The following ANXA5 variants were observed in gnomAD, a reference collection of about 807,000 sequenced individuals.
ANXA5 encodes the protein CBP-I.
A neutral mutation model predicts 48.1 loss-of-function variants in ANXA5; 40 were observed. That is an observed-to-expected ratio of 0.83 (90% CI 0.65 to 1.08). The LOEUF (loss-of-function observed/expected upper bound fraction) is 1.08, where lower values mean the gene tolerates loss of function less well. Among genes scored for constraint, ANXA5 ranks in the 50% least tolerant of loss-of-function variants. ANXA5 has a pLI of 0.00. For synonymous variants in ANXA5, 113 were observed against 129.1 expected (o/e 0.88, Z 0.85); for missense variants, 357 against 376.8 (o/e 0.95, Z 0.44).
At chr4:121,692,430 C>T (rs1725003418) in intron 2 of ANXA5, among the ~76,000 whole-genome samples, 1 of 152,198 alleles carries the variant, frequency 6.6e-6, no homozygotes, top group African/African-American at 2.4e-5. Context: ...CCAGTGATGT[C>T]TTGAGTGAGT....
intron 8 of ANXA5, among the ~76,000 whole-genome samples, chr4:121,674,388 A>G (rs532591352): frequency 2.0e-5 from 3 of 152,124 alleles, no homozygotes; most frequent in Non-Finnish European, 4.4e-5. Context: ...TTGCTATTTA[A>G]TATCAATTTC....
chr4:121,677,922 T>C lies in ANXA5; in HGVS notation c.503A>G (p.Asp168Gly). The C allele has an allele frequency of 2.5e-6, 4 of 1,613,880 alleles. No homozygotes were observed. The Admixed American group carries it at 6.7e-5, about 27-fold the overall frequency. The stretch of plus-strand genomic sequence containing the variant: ...AGCATCTTGTTCAACTTGAGCTTCA[T>C]CAATTCCAGCATCAGGGTCTCTGTT... Reference protein sequence around the residue: ...QANRDPDAGIDEAQVEQDAQA... With the variant: ...QANRDPDAGIGEAQVEQDAQA... The change falls in exon 8 of 13, where the codon GAT becomes GGT. Residue 168 changes from aspartate (D) to glycine (G), a missense_variant. Coordinates refer to ENST00000296511, the MANE Select transcript of ANXA5 (RefSeq NM_001154.4).
chr4:121,685,069 TATAC>T (rs1226653353), intron 3 of ANXA5, among the ~76,000 whole-genome samples: 122 of 147,852 alleles, frequency 8.3e-4, no homozygotes, highest in African/African-American at 3.0e-3. Context: ...CACATATATA[TATAC>T]ACACACACAC....
At chr4:121,674,210 G>A (rs1724659062) in intron 8 of ANXA5, among the ~76,000 whole-genome samples, 1 of 101,792 alleles carries the variant, frequency 9.8e-6, no homozygotes, top group South Asian at 4.2e-4. Flanking sequence ...GAGGGAGAGG[G>A]GCGGAAAGGA....
In ANXA5 at chr4:121,669,597, A is replaced by G; in HGVS notation, c.903+5T>C. On this transcript the variant is annotated splice_donor_5th_base_variant and intron_variant, in intron 12 of 12. Coordinates refer to ENST00000296511, the MANE Select transcript of ANXA5 (RefSeq NM_001154.4). Reference sequence around the variant, plus strand: ...CAAACGTAATTTAAAGAAAGGTTCTACTACCTTAATCATGGAATAAAGAGA... The same window carrying G: ...CAAACGTAATTTAAAGAAAGGTTCTGCTACCTTAATCATGGAATAAAGAGA... 6.2e-7 allele frequency: 1 copy of G among 1,613,490 alleles called. No homozygotes were observed. The highest frequency in any genetic ancestry group is 1.1e-5 in the South Asian group (1 of 91,038).
At chr4:121,682,710 A>G (rs1724813423) in intron 5 of ANXA5, among the ~76,000 whole-genome samples, 1 of 152,134 alleles carries the variant, frequency 6.6e-6, no homozygotes, top group South Asian at 2.1e-4. Context: ...GAGAAACATT[A>G]TTTCCTTGTT....
chr4:121,694,774 T>A (rs1313294672), intron 2 of ANXA5, among the ~76,000 whole-genome samples: 7 of 152,252 alleles, frequency 4.6e-5, no homozygotes, highest in Non-Finnish European at 7.3e-5. Flanking sequence ...GTATCTTTTT[T>A]AAAACATTAC....
At chr4:121,684,883 A>C (rs1724855253) in intron 3 of ANXA5, 112 bp from the exon 4 acceptor site, 2 of 775,440 alleles carry the variant, frequency 2.6e-6, no homozygotes, top group African/African-American at 3.5e-5. Context: ...CTATGCGAAT[A>C]TAAAATATAT....
chr4:121,673,421 A>C (rs1482344641), intron 8 of ANXA5, among the ~76,000 whole-genome samples: 1 of 152,184 alleles, frequency 6.6e-6, no homozygotes, highest in Admixed American at 6.5e-5. Context: ...TTTCAAACTA[A>C]GTCTACATAT....
intron 12 of ANXA5, among the ~76,000 whole-genome samples, chr4:121,668,823 C>G (rs1275455476): frequency 6.6e-6 from 1 of 151,808 alleles, no homozygotes; most frequent in Non-Finnish European, 1.5e-5. Context: ...ACGGGCAGTG[C>G]TGGGGCTGCA....
chr4:121,696,197 G>A (rs1310325707), intron 2 of ANXA5, among the ~76,000 whole-genome samples: 3 of 151,852 alleles, frequency 2.0e-5, no homozygotes, highest in Non-Finnish European at 4.4e-5. Context: ...GGGGGGGAAT[G>A]CGTTCGCCTC....
At chr4:121,692,972 G>A (rs534323325) in intron 2 of ANXA5, among the ~76,000 whole-genome samples, 50 of 152,344 alleles carry the variant, frequency 3.3e-4, no homozygotes, top group African/African-American at 9.1e-4. Context: ...AGTGGCTCAT[G>A]CCTGTAATCC....
In ANXA5 at chr4:121,678,424, AACC is replaced by A. The variant is rs763820845; in HGVS notation, c.462_464del (p.Val155del). On this transcript the variant is annotated inframe_deletion, in exon 7 of 13. Transcript: ENST00000296511. ...AATCTCCACGCAATACCTGAAGGAG[AACC>A]ACCAACATCCGCTGGTAGTACCCTG... 54 of 1,613,220 alleles carry A rather than the reference AACC, an allele frequency of 3.3e-5. No homozygotes were observed. Among genetic ancestry groups the A allele is most frequent in the Middle Eastern group, 3.3e-4 (2 of 6,056 alleles).
chr4:121,678,018 A>T, intron 7 of ANXA5, 68 bp from the exon 8 acceptor site: 1 of 1,199,450 alleles, frequency 8.3e-7, no homozygotes, highest in South Asian at 1.2e-5. Context: ...AAATGGTTCC[A>T]CCTGATGGTT....
At chr4:121,675,563 T>C (rs949058682) in intron 8 of ANXA5, among the ~76,000 whole-genome samples, 1 of 152,244 alleles carries the variant, frequency 6.6e-6, no homozygotes, top group Middle Eastern at 3.2e-3. Context: ...TCCTAGTCAC[T>C]GGAAGGCTAA....
chr4:121,688,404 T>C lies in ANXA5; in HGVS notation c.10-2032A>G, dbSNP rs143566748. Among the ~76,000 whole-genome samples the C allele has an allele frequency of 1.8e-4, 28 of 152,254 alleles. 1 individual carries two copies. In the East Asian group the frequency reaches 3.9e-3, roughly 21 times the overall value. On this transcript the variant is annotated intron_variant, in intron 2 of 12. Transcript: ENST00000296511. ...AGCACGAGTCCCCCTAACTTGATGTTTCCTGTTAGTAACTTTCCATGCACT... is the reference window on the plus strand; with the variant it reads ...AGCACGAGTCCCCCTAACTTGATGTCTCCTGTTAGTAACTTTCCATGCACT...
At chr4:121,694,908 A>G (rs1056740024) in intron 2 of ANXA5, among the ~76,000 whole-genome samples, 2 of 152,214 alleles carry the variant, frequency 1.3e-5, no homozygotes, top group Non-Finnish European at 2.9e-5. Flanking sequence ...TTTTCTATAC[A>G]CATGGCCTTT....
At position 121,686,330 on chromosome 4, in the gene ANXA5, G is replaced by A. The variant is rs764625494; in HGVS notation, c.52C>T (p.Arg18Trp). Reference protein sequence around the residue: ...TVTDFPGFDERADAETLRKAM... With the variant: ...TVTDFPGFDEWADAETLRKAM... ...TTCCGAAGAGTTTCTGCATCAGCCCGCTCATCAAATCCAGGGAAGTCAGTC... is the reference window on the plus strand; with the variant it reads ...TTCCGAAGAGTTTCTGCATCAGCCCACTCATCAAATCCAGGGAAGTCAGTC... The change falls in exon 3 of 13, where the codon CGG (arginine) becomes TGG (tryptophan). Residue 18 changes from arginine (R) to tryptophan (W), a missense_variant. Transcript: ENST00000296511. 2 of 1,613,942 alleles carry A rather than the reference G, an allele frequency of 1.2e-6. No individual in the cohort carries two copies. Among genetic ancestry groups the A allele is most frequent in the East Asian group, 2.2e-5 (1 of 44,878 alleles).
Position 121,683,438 on chromosome 4 carries a change from A to G in ANXA5, c.229T>C (p.Phe77Leu). The G allele has an allele frequency of 5.0e-6, 8 of 1,611,668 alleles. No homozygotes were observed. The South Asian group carries it at 8.8e-5, about 18-fold the overall frequency. The part of the protein sequence containing the change: ...DDLKSELTGK[F>L]EKLIVALMKP... ...ATCAGAGCCACAATTAATTTTTCAAATTTTCCAGTTAGTTCTGATTTCAGG... is the reference window on the plus strand; with the variant it reads ...ATCAGAGCCACAATTAATTTTTCAAGTTTTCCAGTTAGTTCTGATTTCAGG... The change falls in exon 5 of 13, where the codon TTT becomes CTT. Residue 77 changes from phenylalanine to leucine, a missense_variant. Coordinates refer to ENST00000296511, the MANE Select transcript of ANXA5 (RefSeq NM_001154.4).
Sources: allele counts gnomAD v4.1 joint callset (sites outside exome capture counted in the v4.1 genomes callset), GRCh38; gene constraint gnomAD v4.1.1; transcripts MANE v1.5; gene names NCBI Gene and HGNC (gene_info 2026-07-23, HGNC 2026-07-21).